Variants in SLC8A1 observed in about 807,000 individuals in gnomAD.
SLC8A1 encodes the protein sodium/calcium exchanger 1.
SLC8A1 carries 18 observed loss-of-function variants against 68.3 expected under a neutral mutation model. That is an observed-to-expected ratio of 0.26 (90% CI 0.18 to 0.39). The LOEUF (loss-of-function observed/expected upper bound fraction) is 0.39, where lower values mean the gene tolerates loss of function less well. SLC8A1 is among the 10% of genes least tolerant of loss of function. SLC8A1 has a pLI of 1.00. For missense variants in SLC8A1, 985 were observed against 1,156.7 expected (o/e 0.85, Z 2.15); for synonymous variants, 475 against 415.5 (o/e 1.14, Z -1.74).
At chr2:40,242,269 G>A (rs1308718695) in intron 2 of SLC8A1, among the ~76,000 whole-genome samples, 1 of 152,116 alleles carries the variant, frequency 6.6e-6, no homozygotes, top group African/African-American at 2.4e-5. Context: ...TTTAAGTAAA[G>A]CCTGTTTAGT....
At chr2:40,349,322 G>T (rs1485926601) in intron 2 of SLC8A1, among the ~76,000 whole-genome samples, 1 of 152,150 alleles carries the variant, frequency 6.6e-6, no homozygotes, top group Non-Finnish European at 1.5e-5. Context: ...CATGGTCATT[G>T]AGAAAAGACA....
At chr2:40,469,044 C>T (rs1703857830) in intron 1 of SLC8A1, among the ~76,000 whole-genome samples, 1 of 152,160 alleles carries the variant, frequency 6.6e-6, no homozygotes, top group South Asian at 2.1e-4. Context: ...AATATTACCA[C>T]ACTTGAAAAG....
At chr2:40,313,218 G>C (rs1218519987) in intron 2 of SLC8A1, among the ~76,000 whole-genome samples, 1 of 152,040 alleles carries the variant, frequency 6.6e-6, no homozygotes, top group Non-Finnish European at 1.5e-5. Context: ...AGGAGAGTCA[G>C]GCTTTCACTC....
intron 2 of SLC8A1, among the ~76,000 whole-genome samples, chr2:40,325,440 G>C (rs187613029): frequency 1.2e-4 from 19 of 152,254 alleles, no homozygotes; most frequent in African/African-American, 4.6e-4. Flanking sequence ...GAAAGGCTAG[G>C]CATAATGACT....
chr2:40,125,517 A>T (rs183538682), intron 7 of SLC8A1, among the ~76,000 whole-genome samples: 274 of 152,368 alleles, frequency 1.8e-3, no homozygotes, highest in Non-Finnish European at 3.5e-3. Flanking sequence ...ACTGCAGAGC[A>T]GCACCAAAAT....
At chr2:40,121,173 C>T (rs1031120588) in intron 7 of SLC8A1, among the ~76,000 whole-genome samples, 1 of 152,290 alleles carries the variant, frequency 6.6e-6, no homozygotes, top group South Asian at 2.1e-4. Flanking sequence ...TCTTGGGCAT[C>T]CCTGCTAGAT....
intron 2 of SLC8A1, among the ~76,000 whole-genome samples, chr2:40,352,825 G>T (rs1452452075): frequency 6.6e-6 from 1 of 152,126 alleles, no homozygotes; most frequent in Non-Finnish European, 1.5e-5. Flanking sequence ...CTAAGGAGAG[G>T]CCTCGATATG....
intron 2 of SLC8A1, among the ~76,000 whole-genome samples, chr2:40,243,375 C>T (rs1040673895): frequency 6.6e-6 from 1 of 152,044 alleles, no homozygotes; most frequent in Non-Finnish European, 1.5e-5. Flanking sequence ...GTCCCACCTA[C>T]TTGAGAGCTG....
intron 2 of SLC8A1, among the ~76,000 whole-genome samples, chr2:40,235,207 T>C (rs1359251489): frequency 1.1e-4 from 16 of 152,096 alleles, no homozygotes; most frequent in African/African-American, 2.4e-4. Context: ...TGGTAGAATT[T>C]GGCTGTGAAT....
At chr2:40,175,886 C>CTTATG (rs1241805147) in intron 3 of SLC8A1, 1 of 372,548 alleles carries the variant, frequency 2.7e-6, no homozygotes, top group East Asian at 8.5e-5. Flanking sequence ...CCAAGAATTG[C>CTTATG]TTATGTTTTA....
intron 2 of SLC8A1, among the ~76,000 whole-genome samples, chr2:40,366,770 C>CTT (rs34923880): frequency 1.7e-4 from 25 of 148,748 alleles, no homozygotes; most frequent in South Asian, 2.1e-4. Context: ...TATTCTTATG[C>CTT]TTTTTTTTTT....
intron 1 of SLC8A1, among the ~76,000 whole-genome samples, chr2:40,469,711 TC>T (rs1317715156): frequency 3.3e-5 from 5 of 152,266 alleles, no homozygotes; most frequent in South Asian, 4.1e-4. Flanking sequence ...GATTTCTCTG[TC>T]CCCTGTCTTT....
At chr2:40,200,250 A>AAC (rs2054077513) in intron 2 of SLC8A1, among the ~76,000 whole-genome samples, 1 of 15,344 alleles carries the variant, frequency 6.5e-5, no homozygotes, top group African/African-American at 1.3e-4. Context: ...ATATATATAT[A>AAC]TATATATATA....
At chr2:40,313,683 G>A (rs368776835) in intron 2 of SLC8A1, among the ~76,000 whole-genome samples, 14 of 152,072 alleles carry the variant, frequency 9.2e-5, no homozygotes, top group Admixed American at 3.9e-4. Flanking sequence ...GATTACAGGC[G>A]TGAGTCACAG....
chr2:40,437,350 C>A (rs2149813593), intron 1 of SLC8A1, among the ~76,000 whole-genome samples: 1 of 152,194 alleles, frequency 6.6e-6, no homozygotes, highest in Non-Finnish European at 1.5e-5. Flanking sequence ...CACATGTTTC[C>A]ACTCCTGCCT....
intron 6 of SLC8A1, among the ~76,000 whole-genome samples, chr2:40,145,749 T>A (rs369501839): frequency 2.6e-5 from 4 of 152,258 alleles, no homozygotes; most frequent in East Asian, 3.8e-4. Flanking sequence ...TCTGTTTGTG[T>A]ATGTGTGAGA....
intron 1 of SLC8A1, among the ~76,000 whole-genome samples, chr2:40,448,853 C>G (rs186806389): frequency 6.6e-6 from 1 of 151,978 alleles, no homozygotes; most frequent in South Asian, 2.1e-4. Context: ...GATAAAGGGA[C>G]CAGGAAGAGT....
At chr2:40,261,007 A>C (rs1312797276) in intron 2 of SLC8A1, among the ~76,000 whole-genome samples, 1 of 152,198 alleles carries the variant, frequency 6.6e-6, no homozygotes, top group Non-Finnish European at 1.5e-5. Context: ...AGGGAGAGAG[A>C]CAGAAGGACT....
intron 2 of SLC8A1, among the ~76,000 whole-genome samples, chr2:40,356,149 C>T (rs1196766242): frequency 6.6e-6 from 1 of 152,196 alleles, no homozygotes; most frequent in African/African-American, 2.4e-5. Context: ...CCTACCCACC[C>T]CCAGTTAAAC....
Sources: allele counts gnomAD v4.1 joint callset (sites outside exome capture counted in the v4.1 genomes callset), GRCh38; gene constraint gnomAD v4.1.1; transcripts MANE v1.5; gene names NCBI Gene and HGNC (gene_info 2026-07-23, HGNC 2026-07-21).